The following TMEM120B variants were observed in gnomAD, a reference collection of about 807,000 sequenced individuals.
The protein encoded by TMEM120B is transmembrane protein 120B.
In TMEM120B, 31 loss-of-function variants were observed where a neutral mutation model predicts 55.5. The observed-to-expected ratio is 0.56, with a 90% CI of 0.42 to 0.75. The LOEUF (loss-of-function observed/expected upper bound fraction) is 0.75, where lower values mean the gene tolerates loss of function less well. Ranked by LOEUF, TMEM120B falls within the 30% of genes least tolerant of loss-of-function variation. The probability of loss-of-function intolerance (pLI) is 0.00; values close to 1 mark genes in which losing one functional copy is unlikely to be tolerated. For synonymous variants in TMEM120B, 203 were observed against 176.3 expected, an observed-to-expected ratio of 1.15 and a Z score of -1.20; for missense variants, 399 against 425.5, an observed-to-expected ratio of 0.94 and a Z score of 0.55.
chr12:121,768,237 G>A (rs890503887), intron 6 of TMEM120B, among the ~76,000 whole-genome samples: 2 of 152,186 alleles, frequency 1.3e-5, no homozygotes, highest in Non-Finnish European at 2.9e-5. Flanking sequence ...CTGCGCTGGT[G>A]GCATCCAGAT....
At chr12:121,715,263 G>C (rs1044606767) in intron 1 of TMEM120B, among the ~76,000 whole-genome samples, 1 of 152,096 alleles carries the variant, frequency 6.6e-6, no homozygotes, top group Non-Finnish European at 1.5e-5. Context: ...AAACTGGGAG[G>C]GGGAGGTTGC....
rs199888912 is a variant in TMEM120B, at chr12:121,769,604, T to C, written c.552-1303T>C. Among the ~76,000 whole-genome samples the C allele has an allele frequency of 2.6e-5, 4 of 151,844 alleles. No homozygotes were observed. In the East Asian group the frequency reaches 7.7e-4, roughly 29 times the overall value. On this transcript the variant is annotated intron_variant, in intron 6 of 11. Transcript: ENST00000449592. Reference sequence around the variant, plus strand: ...CTGTGATCCCAGCTACTCAGGAGGCTGAGGTGGGAGAATTGCTTGACCTGG... The same window carrying C: ...CTGTGATCCCAGCTACTCAGGAGGCCGAGGTGGGAGAATTGCTTGACCTGG...
Position 121,780,618 on chromosome 12 carries a change from T to C in TMEM120B, c.*4896T>C. On this transcript the variant is annotated 3_prime_UTR_variant, in exon 12 of 12. Coordinates refer to ENST00000449592, the MANE Select transcript of TMEM120B (RefSeq NM_001080825.2). Reference sequence around the variant, plus strand: ...GTGGCCCTGGGCAAGCTGCTTAACCTCTCTGGGCCTCAGTTTCTCCCCCTG... The same window carrying C: ...GTGGCCCTGGGCAAGCTGCTTAACCCCTCTGGGCCTCAGTTTCTCCCCCTG... 1.8e-6 allele frequency: 1 copy of C among 563,480 alleles called. No homozygotes were observed. Among genetic ancestry groups the C allele is most frequent in the Non-Finnish European group, 3.1e-6 (1 of 321,422 alleles). The allele number at this position is 563,480 out of a possible 1,614,324, so 34.9% of individuals were successfully genotyped here.
chr12:121,765,129 C>CTT (rs775861260), intron 6 of TMEM120B, among the ~76,000 whole-genome samples: 156 of 133,688 alleles, frequency 1.2e-3, no homozygotes, highest in African/African-American at 3.3e-3. Flanking sequence ...TCTTTTCTTT[C>CTT]TTTTTTTTTT....
In TMEM120B at chr12:121,775,239, A is replaced by C; in HGVS notation, c.906+109A>C. On this transcript the variant is annotated intron_variant, in intron 11 of 11. Transcript: ENST00000449592. The surrounding 1 kb of genome is among the most constrained non-coding windows in gnomAD (Gnocchi z 4.3). Reference sequence around the variant, plus strand: ...GTGCGGATTCCTGGGGAGGGCTGGGATGGCAGATGTGGGGGTGGGGTGTGT... The same window carrying C: ...GTGCGGATTCCTGGGGAGGGCTGGGCTGGCAGATGTGGGGGTGGGGTGTGT... 3.7e-6 allele frequency: 3 copies of C among 811,598 alleles called. No individual in the cohort carries two copies. Among genetic ancestry groups the C allele is most frequent in the Non-Finnish European group, 1.7e-6 (1 of 584,302 alleles). 50.3% of individuals were successfully genotyped at this position (811,598 alleles called of 1,614,324 possible).
chr12:121,774,365 G>A (rs143096652), intron 9 of TMEM120B, among the ~76,000 whole-genome samples: 91 of 152,302 alleles, frequency 6.0e-4, no homozygotes, highest in African/African-American at 2.1e-3. Context: ...ATTATAAAAT[G>A]CAAAACCCTG....
At chr12:121,760,187 C>CA (rs1391772450) in intron 5 of TMEM120B, among the ~76,000 whole-genome samples, 49 of 150,926 alleles carry the variant, frequency 3.2e-4, no homozygotes, top group African/African-American at 1.2e-3. Context: ...CCTGTAGTCC[C>CA]AGCTACTCGG....
At chr12:121,742,473 G>A (rs998732703) in intron 1 of TMEM120B, among the ~76,000 whole-genome samples, 7 of 152,114 alleles carry the variant, frequency 4.6e-5, no homozygotes, top group South Asian at 2.1e-4. Flanking sequence ...TTGGCTTATC[G>A]TTGCTTTGTT....
intron 4 of TMEM120B, among the ~76,000 whole-genome samples, chr12:121,751,613 A>G (rs1468346838): frequency 6.6e-6 from 1 of 151,354 alleles, no homozygotes; most frequent in East Asian, 1.9e-4. Flanking sequence ...CACCTGGGAG[A>G]GGGTTGGTTC....
chr12:121,772,438 CTTTT>C (rs113833541), intron 8 of TMEM120B, among the ~76,000 whole-genome samples: 1 of 128,504 alleles, frequency 7.8e-6, no homozygotes, highest in African/African-American at 3.1e-5. Context: ...CCGTTTCTTT[CTTTT>C]TTTTTTTTTT....
intron 2 of TMEM120B, among the ~76,000 whole-genome samples, chr12:121,744,996 G>C (rs917842970): frequency 1.3e-5 from 2 of 152,188 alleles, no homozygotes; most frequent in African/African-American, 4.8e-5. Flanking sequence ...TCACAGATGG[G>C]CACATGGCGA....
At chr12:121,759,101 A>G in intron 5 of TMEM120B, 1 of 897,302 alleles carries the variant, frequency 1.1e-6, no homozygotes, top group Non-Finnish European at 1.3e-6. Flanking sequence ...ACAACCTAAA[A>G]TAGAACATAG....
intron 5 of TMEM120B, among the ~76,000 whole-genome samples, chr12:121,752,584 C>G (rs1412983624): frequency 2.0e-5 from 3 of 151,940 alleles, no homozygotes; most frequent in Non-Finnish European, 4.4e-5. Context: ...GAAACCCTGT[C>G]TCTACTAAAA....
At chr12:121,770,631 T>G (rs1490602198) in intron 6 of TMEM120B, among the ~76,000 whole-genome samples, 1 of 151,846 alleles carries the variant, frequency 6.6e-6, no homozygotes, top group Non-Finnish European at 1.5e-5. Flanking sequence ...GAGTGAGGCT[T>G]GAAGGCAGGT....
chr12:121,716,291 G>C (rs1263284898), intron 1 of TMEM120B, among the ~76,000 whole-genome samples: 1 of 147,942 alleles, frequency 6.8e-6, no homozygotes, highest in Non-Finnish European at 1.5e-5. Flanking sequence ...CTGGGTGACA[G>C]AGTTAGACCC....
At chr12:121,763,351 A>G (rs140397659) in intron 6 of TMEM120B, among the ~76,000 whole-genome samples, 4,581 of 151,392 alleles carry the variant, frequency 0.03, 247 homozygotes, top group African/African-American at 0.11. Flanking sequence ...TTTAGTAGAG[A>G]TGGGGTTTCA....
intron 1 of TMEM120B, among the ~76,000 whole-genome samples, chr12:121,727,698 C>T (rs1247224764): frequency 6.6e-6 from 1 of 151,168 alleles, no homozygotes; most frequent in Non-Finnish European, 1.5e-5. Flanking sequence ...ACGGTGAAAC[C>T]CTGTCTTTAC....
chr12:121,764,808 T>G (rs1873795540), intron 6 of TMEM120B, among the ~76,000 whole-genome samples: 1 of 152,034 alleles, frequency 6.6e-6, no homozygotes. Flanking sequence ...TCTCTGCAAG[T>G]GTGGGACTCT....
chr12:121,719,398 A>T (rs1351638434), intron 1 of TMEM120B, among the ~76,000 whole-genome samples: 2 of 152,116 alleles, frequency 1.3e-5, no homozygotes, highest in Non-Finnish European at 2.9e-5. Flanking sequence ...CAGCCTGGGC[A>T]ATGTAGTAAG....
Sources: allele counts gnomAD v4.1 joint callset (sites outside exome capture counted in the v4.1 genomes callset), GRCh38; gene constraint gnomAD v4.1.1; non-coding constraint Gnocchi (gnomAD v3.1); transcripts MANE v1.5; gene names NCBI Gene and HGNC (gene_info 2026-07-23, HGNC 2026-07-21).